The following NUMB variants were observed in gnomAD, a reference collection of about 807,000 sequenced individuals.
NUMB encodes protein numb homolog.
A neutral mutation model predicts 59.7 loss-of-function variants in NUMB; 29 were observed. That is an observed-to-expected ratio of 0.49 (90% CI 0.36 to 0.66). The LOEUF (loss-of-function observed/expected upper bound fraction) is 0.66, where lower values mean the gene tolerates loss of function less well. Ranked by LOEUF, NUMB falls within the 30% of genes least tolerant of loss-of-function variation. The pLI, the probability that NUMB is intolerant of heterozygous loss-of-function variation, is 0.00. For synonymous variants in NUMB, 288 were observed against 288.2 expected (o/e 1.00, Z 0.01); for missense variants, 723 against 822.0 (o/e 0.88, Z 1.47).
At chr14:73,427,123 T>C (rs1897616969) in intron 1 of NUMB, among the ~76,000 whole-genome samples, 1 of 152,200 alleles carries the variant, frequency 6.6e-6, no homozygotes. Flanking sequence ...TGGCCAACTC[T>C]GCCTGGAGCT....
chr14:73,318,013 T>G (rs1891180611), intron 5 of NUMB, among the ~76,000 whole-genome samples: 2 of 152,202 alleles, frequency 1.3e-5, no homozygotes, highest in South Asian at 4.1e-4. Flanking sequence ...AAAAAATATT[T>G]CCACAAAACA....
intron 4 of NUMB, among the ~76,000 whole-genome samples, chr14:73,330,241 G>T (rs935714609): frequency 1.3e-5 from 2 of 151,806 alleles, no homozygotes; most frequent in Non-Finnish European, 2.9e-5. Context: ...TGTGTTGCCC[G>T]GGCTGGTCTC....
chr14:73,284,577 T>C (rs1488767504), intron 9 of NUMB: 2 of 500,516 alleles, frequency 4.0e-6, no homozygotes, highest in Non-Finnish European at 7.1e-6. Context: ...ACAAAGCATA[T>C]CTACTAAGAC....
intron 4 of NUMB, among the ~76,000 whole-genome samples, chr14:73,335,485 G>A (rs371683823): frequency 2.6e-5 from 4 of 152,030 alleles, no homozygotes; most frequent in East Asian, 1.9e-4. Flanking sequence ...ACACTATCTC[G>A]CTGAAGAATT....
intron 1 of NUMB, among the ~76,000 whole-genome samples, chr14:73,442,198 A>G (rs1171161298): frequency 6.6e-6 from 1 of 151,204 alleles, no homozygotes; most frequent in East Asian, 1.9e-4. Context: ...TAAGAAAAAA[A>G]AAAGAAAAAA....
intron 1 of NUMB, among the ~76,000 whole-genome samples, chr14:73,414,672 C>T (rs1897045039): frequency 6.6e-6 from 1 of 152,168 alleles, no homozygotes; most frequent in African/African-American, 2.4e-5. Context: ...TAGGCATGAA[C>T]CATCGTGCCT....
At chr14:73,372,971 G>T (rs895490449) in intron 2 of NUMB, among the ~76,000 whole-genome samples, 14 of 152,178 alleles carry the variant, frequency 9.2e-5, no homozygotes, top group African/African-American at 3.4e-4. Flanking sequence ...TACTTTTAGG[G>T]TTTTATCCCT....
intron 1 of NUMB, among the ~76,000 whole-genome samples, chr14:73,415,803 G>A (rs149602858): frequency 2.0e-3 from 310 of 151,850 alleles, no homozygotes; most frequent in African/African-American, 7.0e-3. Context: ...ATATTCCAAC[G>A]ATGCTAGTCA....
intron 2 of NUMB, among the ~76,000 whole-genome samples, chr14:73,367,318 C>T (rs1183122588): frequency 7.6e-5 from 9 of 119,028 alleles, no homozygotes; most frequent in South Asian, 2.6e-4. Context: ...CACACACACA[C>T]ACACATATAT....
At chr14:73,376,037 C>T (rs533079308) in intron 2 of NUMB, among the ~76,000 whole-genome samples, 59 of 152,174 alleles carry the variant, frequency 3.9e-4, no homozygotes, top group African/African-American at 1.1e-3. Flanking sequence ...TCCTTTTCAA[C>T]GTCATACTGG....
In NUMB at chr14:73,284,310, G is replaced by C; in HGVS notation, c.720C>G (p.Ser240=). 2 of 1,614,126 alleles carry C rather than the reference G, an allele frequency of 1.2e-6. No homozygotes were observed. Among genetic ancestry groups the C allele is most frequent in the Non-Finnish European group, 1.7e-6 (2 of 1,179,994 alleles). ...VAPGNTAPSP[S]SPTSPTSDAT... ...CATCAGAAGTAGGAGAGGTGGGAGA[G>C]GATGGGGATGGGGCAGTGTTGCCAG... Residue 240 remains serine, a synonymous_variant, in exon 10 of 13, where the codon TCC becomes TCG. Transcript: ENST00000555238.
At chr14:73,327,893 C>T (rs1424222335) in intron 4 of NUMB, among the ~76,000 whole-genome samples, 1 of 152,168 alleles carries the variant, frequency 6.6e-6, no homozygotes, top group African/African-American at 2.4e-5. Flanking sequence ...GTAATCAACT[C>T]CTCCGCCTGC....
chr14:73,363,723 A>G (rs957583680), intron 3 of NUMB, among the ~76,000 whole-genome samples: 2 of 152,152 alleles, frequency 1.3e-5, no homozygotes, highest in Non-Finnish European at 2.9e-5. Flanking sequence ...CTGAGGTGGA[A>G]GGACTGCTTA....
intron 2 of NUMB, among the ~76,000 whole-genome samples, chr14:73,381,206 C>T (rs551931043): frequency 2.4e-4 from 37 of 152,226 alleles, no homozygotes; most frequent in African/African-American, 5.5e-4. Context: ...TAATCAACCT[C>T]GGTACCTAAT....
chr14:73,430,324 A>G (rs1897769727), intron 1 of NUMB, among the ~76,000 whole-genome samples: 1 of 152,030 alleles, frequency 6.6e-6, no homozygotes, highest in Non-Finnish European at 1.5e-5. Context: ...AAGAGGCTAT[A>G]CCAACAATGA....
chr14:73,381,063 TTAG>T (rs1214936981), intron 2 of NUMB, among the ~76,000 whole-genome samples: 2 of 152,162 alleles, frequency 1.3e-5, no homozygotes, highest in Non-Finnish European at 2.9e-5. Flanking sequence ...ACTTTTATTG[TTAG>T]TATTTAACCA....
chr14:73,407,000 T>C (rs1896703628), intron 2 of NUMB, among the ~76,000 whole-genome samples: 1 of 151,980 alleles, frequency 6.6e-6, no homozygotes, highest in Admixed American at 6.6e-5. Flanking sequence ...CACCACCACG[T>C]CCAGCTAATT....
intron 10 of NUMB, among the ~76,000 whole-genome samples, chr14:73,283,491 T>C (rs1242566848): frequency 6.6e-6 from 1 of 152,242 alleles, no homozygotes; most frequent in Non-Finnish European, 1.5e-5. Flanking sequence ...GATAGACCTA[T>C]AGAGGCTGGC....
intron 7 of NUMB, among the ~76,000 whole-genome samples, 182 bp from the exon 8 acceptor site, chr14:73,293,056 G>A (rs1485242147): frequency 6.6e-6 from 1 of 152,150 alleles, no homozygotes; most frequent in African/African-American, 2.4e-5. Context: ...ATCCCAAGAG[G>A]CACTTTGCCC....
Sources: allele counts gnomAD v4.1 joint callset (sites outside exome capture counted in the v4.1 genomes callset), GRCh38; gene constraint gnomAD v4.1.1; transcripts MANE v1.5; gene names NCBI Gene and HGNC (gene_info 2026-07-23, HGNC 2026-07-21).